CNTN5: variants seen among roughly 807,000 people sequenced by gnomAD.
The protein encoded by CNTN5 is contactin 5.
CNTN5 carries 77 observed loss-of-function variants against 129.1 expected under a neutral mutation model. The ratio of observed to expected loss-of-function variants is 0.60; its 90% CI spans 0.50 to 0.72. The LOEUF (loss-of-function observed/expected upper bound fraction) is 0.72, where lower values mean the gene tolerates loss of function less well. Among genes scored for constraint, CNTN5 ranks in the 30% least tolerant of loss-of-function variants. CNTN5 has a pLI of 0.00. For synonymous variants in CNTN5, 509 were observed against 465.6 expected (o/e 1.09, Z -1.20); for missense variants, 1,478 against 1,328.8 (o/e 1.11, Z -1.75).
chr11:99,948,538 A>G (rs1950603102), intron 7 of CNTN5, among the ~76,000 whole-genome samples: 1 of 152,224 alleles, frequency 6.6e-6, no homozygotes, highest in Admixed American at 6.5e-5. Context: ...TTGCAAAATT[A>G]CATCCCATGC....
At chr11:99,343,554 G>C (rs1866615787) in intron 2 of CNTN5, among the ~76,000 whole-genome samples, 1 of 152,116 alleles carries the variant, frequency 6.6e-6, no homozygotes, top group South Asian at 2.1e-4. Context: ...AAAAAGCCCT[G>C]TGCATAGTTT....
At chr11:99,456,137 T>G (rs1292339394) in intron 2 of CNTN5, among the ~76,000 whole-genome samples, 1 of 152,188 alleles carries the variant, frequency 6.6e-6, no homozygotes, top group Non-Finnish European at 1.5e-5. Context: ...TTTAAACTCT[T>G]TTTTATTTCA....
At chr11:99,164,931 G>A (rs1860803680) in intron 1 of CNTN5, among the ~76,000 whole-genome samples, 1 of 152,134 alleles carries the variant, frequency 6.6e-6, no homozygotes, top group Admixed American at 6.5e-5. Context: ...GTGCATATGT[G>A]TGTGTATATA....
chr11:100,056,742 G>A (rs948381957), intron 9 of CNTN5, among the ~76,000 whole-genome samples: 44 of 151,490 alleles, frequency 2.9e-4, no homozygotes, highest in African/African-American at 1.0e-3. Context: ...GTAGTTTTCT[G>A]GGGAGTGAGG....
intron 2 of CNTN5, among the ~76,000 whole-genome samples, chr11:99,534,248 G>A (rs929644512): frequency 6.6e-6 from 1 of 152,124 alleles, no homozygotes; most frequent in Non-Finnish European, 1.5e-5. Flanking sequence ...CCAAAAGCAC[G>A]ATAGTGTAAT....
At chr11:99,999,437 C>T (rs544463148) in intron 8 of CNTN5, among the ~76,000 whole-genome samples, 5 of 152,278 alleles carry the variant, frequency 3.3e-5, no homozygotes, top group Admixed American at 2.0e-4. Context: ...CAGAGAAATG[C>T]AAATCAAAAC....
At chr11:99,949,641 G>A (rs1348675698) in intron 7 of CNTN5, among the ~76,000 whole-genome samples, 1 of 152,142 alleles carries the variant, frequency 6.6e-6, no homozygotes, top group Non-Finnish European at 1.5e-5. Flanking sequence ...AAACCCCTTA[G>A]CAAAGCAAGA....
intron 2 of CNTN5, among the ~76,000 whole-genome samples, chr11:99,469,732 A>G (rs989092029): frequency 1.3e-5 from 2 of 152,008 alleles, no homozygotes; most frequent in African/African-American, 4.8e-5. Context: ...TATAATACTG[A>G]TAAATTTTTA....
intron 3 of CNTN5, 134 bp from the exon 4 acceptor site, chr11:99,819,410 T>A (rs1335951039): frequency 1.6e-6 from 1 of 623,676 alleles, no homozygotes; most frequent in South Asian, 2.3e-5. Flanking sequence ...TTTTTCACAC[T>A]CTCACTGTAA....
chr11:99,275,470 A>G (rs924304664), intron 1 of CNTN5, among the ~76,000 whole-genome samples: 2 of 151,704 alleles, frequency 1.3e-5, no homozygotes, highest in Non-Finnish European at 2.9e-5. Flanking sequence ...TTTTGAATGG[A>G]TAAACCTACC....
chr11:99,436,456 T>C (rs1406004931), intron 2 of CNTN5, among the ~76,000 whole-genome samples: 1 of 152,186 alleles, frequency 6.6e-6, no homozygotes, highest in Non-Finnish European at 1.5e-5. Flanking sequence ...TTTCACAGCA[T>C]ACGTTTGAAT....
chr11:99,635,789 T>A (rs1591396164), intron 3 of CNTN5, among the ~76,000 whole-genome samples: 1 of 152,134 alleles, frequency 6.6e-6, no homozygotes, highest in African/African-American at 2.4e-5. Flanking sequence ...TCAGTTTTGT[T>A]ACTATTTTCA....
At chr11:100,285,631 T>G (rs1232340849) in intron 18 of CNTN5, among the ~76,000 whole-genome samples, 1 of 152,214 alleles carries the variant, frequency 6.6e-6, no homozygotes, top group East Asian at 1.9e-4. Flanking sequence ...TTCCACACAT[T>G]CAAATGTCTT....
intron 9 of CNTN5, among the ~76,000 whole-genome samples, chr11:100,056,307 T>C (rs1943219411): frequency 6.6e-6 from 1 of 151,382 alleles, no homozygotes; most frequent in Admixed American, 6.6e-5. Context: ...AGCAACAAAA[T>C]CAAAAAGTAA....
intron 12 of CNTN5, among the ~76,000 whole-genome samples, chr11:100,072,450 T>C (rs1049769594): frequency 3.3e-5 from 5 of 152,290 alleles, no homozygotes; most frequent in South Asian, 2.1e-4. Flanking sequence ...TCCAGTGAAA[T>C]AGACTACCCA....
intron 2 of CNTN5, among the ~76,000 whole-genome samples, chr11:99,410,681 G>A (rs183759118): frequency 8.3e-4 from 127 of 152,266 alleles, no homozygotes; most frequent in African/African-American, 2.9e-3. Context: ...TCATTAGAAG[G>A]AACTTTAAAA....
At chr11:99,378,810 A>G (rs549114421) in intron 2 of CNTN5, among the ~76,000 whole-genome samples, 2 of 152,284 alleles carry the variant, frequency 1.3e-5, no homozygotes, top group Admixed American at 6.5e-5. Flanking sequence ...CTATTAAAAT[A>G]GTTTACAAGA....
chr11:99,673,449 T>G (rs1488396594), intron 3 of CNTN5, among the ~76,000 whole-genome samples: 12 of 152,176 alleles, frequency 7.9e-5, no homozygotes, highest in Admixed American at 7.9e-4. Flanking sequence ...ATTTCTCCTT[T>G]TTTAAGTTCA....
chr11:100,251,556 T>C (rs1949963756), intron 16 of CNTN5, among the ~76,000 whole-genome samples: 1 of 152,070 alleles, frequency 6.6e-6, no homozygotes, highest in Admixed American at 6.6e-5. Flanking sequence ...CTTTAACAAA[T>C]CTCTCCCTAT....
Sources: gnomAD v4.1 joint callset for allele counts (sites outside exome capture counted in the v4.1 genomes callset) on GRCh38, gnomAD v4.1.1 for gene constraint, MANE v1.5 for transcripts, NCBI Gene and HGNC (gene_info 2026-07-23, HGNC 2026-07-21) for gene names.